Variants in TRIM44 observed in about 807,000 individuals in gnomAD.
TRIM44 encodes tripartite motif-containing protein 44.
A neutral mutation model predicts 37.4 loss-of-function variants in TRIM44; 13 were observed. The observed-to-expected ratio is 0.35, with a 90% CI of 0.23 to 0.55. The LOEUF (loss-of-function observed/expected upper bound fraction) is 0.55, where lower values mean the gene tolerates loss of function less well. TRIM44 is among the 20% of genes least tolerant of loss of function. The pLI, the probability that TRIM44 is intolerant of heterozygous loss-of-function variation, is 0.89. For missense variants in TRIM44, 426 were observed against 437.2 expected, an observed-to-expected ratio of 0.97 and a Z score of 0.23; for synonymous variants, 175 against 157.2, an observed-to-expected ratio of 1.11 and a Z score of -0.85.
intron 1 of TRIM44, among the ~76,000 whole-genome samples, chr11:35,665,776 T>G (rs1793777614): frequency 6.6e-6 from 1 of 151,758 alleles, no homozygotes; most frequent in Non-Finnish European, 1.5e-5. Context: ...TGTATTTTTT[T>G]TTTAGTAGAG....
chr11:35,768,762 T>C (rs912536352), intron 4 of TRIM44, among the ~76,000 whole-genome samples: 4 of 152,200 alleles, frequency 2.6e-5, no homozygotes, highest in Admixed American at 6.5e-5. Context: ...AAAATGCTTT[T>C]GGTTAGACAA....
intron 4 of TRIM44, among the ~76,000 whole-genome samples, chr11:35,758,975 G>A (rs569932010): frequency 4.9e-4 from 75 of 152,228 alleles, no homozygotes; most frequent in Middle Eastern, 3.4e-3. Flanking sequence ...ACAGTTATGT[G>A]TCTTGGAGTT....
chr11:35,817,684 A>G lies in TRIM44; in HGVS notation c.*11299A>G, dbSNP rs1310394829. ...TGGTTTGCCTCTGTGTCCCCACCCA[A>G]ATCTCATGTTGAAATGTAATCCCCA... On this transcript the variant is annotated 3_prime_UTR_variant, in exon 5 of 5. Coordinates refer to ENST00000299413, the MANE Select transcript of TRIM44 (RefSeq NM_017583.6). 6.6e-6 allele frequency: 1 copy of G among 152,176 alleles called. No individual in the cohort carries two copies. The highest frequency in any genetic ancestry group is 6.5e-5 in the Admixed American group (1 of 15,272). The allele number at this position is 152,176 out of a possible 1,614,324, so 9.4% of individuals were successfully genotyped here. A position where few individuals can be genotyped will look rare whatever the true frequency, so the allele number is the denominator to read the frequency against.
At chr11:35,777,966 G>A (rs1852996750) in intron 4 of TRIM44, among the ~76,000 whole-genome samples, 1 of 152,100 alleles carries the variant, frequency 6.6e-6, no homozygotes, top group Admixed American at 6.6e-5. Flanking sequence ...GTATCTTTGT[G>A]GCATTCTCTG....
At chr11:35,759,222 C>T (rs1852690077) in intron 4 of TRIM44, among the ~76,000 whole-genome samples, 1 of 152,112 alleles carries the variant, frequency 6.6e-6, no homozygotes, top group Non-Finnish European at 1.5e-5. Flanking sequence ...TTTCTCTAAA[C>T]TTCTCTTCTC....
Position 35,662,865 on chromosome 11 carries a change from A to C in TRIM44, c.-247A>C. The C allele has an allele frequency of 6.5e-6, 3 of 458,814 alleles. No individual in the cohort carries two copies. Among genetic ancestry groups the C allele is most frequent in the Non-Finnish European group, 9.9e-6 (3 of 302,010 alleles). 28.4% of individuals were successfully genotyped at this position (458,814 alleles called of 1,614,324 possible). A position where few individuals can be genotyped will look rare whatever the true frequency, so the allele number is the denominator to read the frequency against. On this transcript the variant is annotated 5_prime_UTR_variant, in exon 1 of 5. Transcript: ENST00000299413. ...GGGGGCGCCGGGTGGCCGCGCCGGA[A>C]GTGCCTTGCGCGGCAGAGGAAGCGC...
At chr11:35,698,156 G>A (rs1199137574) in intron 2 of TRIM44, among the ~76,000 whole-genome samples, 3 of 150,088 alleles carry the variant, frequency 2.0e-5, no homozygotes, top group South Asian at 4.2e-4. Context: ...CTAACTGGAT[G>A]TGCCACATTT....
rs370771998 is a variant in TRIM44 at position 35,775,594 on chromosome 11, T to C, written c.1008-30764T>C. ...CAGTTTTTGCCCATTCAGTATGATA[T>C]TGGCTGTGGGTTTGTGATAAATAGC... On this transcript the variant is annotated intron_variant, in intron 4 of 4. Coordinates refer to ENST00000299413, the MANE Select transcript of TRIM44 (RefSeq NM_017583.6). 1.4e-4 allele frequency among the ~76,000 whole-genome samples: 22 copies of C among 152,356 alleles called. No individual in the cohort carries two copies. In the East Asian group the frequency reaches 4.2e-3, roughly 29 times the overall value.
rs1314511408 is a variant in TRIM44 at position 35,815,522 on chromosome 11, T to C, written c.*9137T>C. The C allele has an allele frequency of 6.6e-6, 1 of 152,172 alleles. No individual in the cohort carries two copies. The highest frequency in any genetic ancestry group is 1.5e-5 in the Non-Finnish European group (1 of 68,032). 9.4% of individuals were successfully genotyped at this position (152,172 alleles called of 1,614,324 possible). ...TCTCAACACTCAAGCCAATTTCCCA[T>C]TTGATAACAAGTAGGTTCTGATCTA... On this transcript the variant is annotated 3_prime_UTR_variant, in exon 5 of 5. Coordinates refer to ENST00000299413, the MANE Select transcript of TRIM44 (RefSeq NM_017583.6).
intron 2 of TRIM44, among the ~76,000 whole-genome samples, chr11:35,723,170 T>C (rs1178356741): frequency 1.3e-5 from 2 of 152,102 alleles, no homozygotes; most frequent in Non-Finnish European, 2.9e-5. Context: ...AAATGATGAG[T>C]TGTAAAAGTA....
rs1490392906 is a variant in TRIM44, at chr11:35,807,540, A to ACAAC, written c.*1159_*1162dup. 1.3e-5 allele frequency: 2 copies of ACAAC among 152,160 alleles called. No homozygotes were observed. Among genetic ancestry groups the ACAAC allele is most frequent in the Non-Finnish European group, 2.9e-5 (2 of 68,020 alleles). 9.4% of individuals were successfully genotyped at this position (152,160 alleles called of 1,614,324 possible). ...CTCTACTTCCAAATCACAATTTCTTACAACCAAGCTTTGTGCTCCCGAGTA... is the reference window on the plus strand; with the variant it reads ...CTCTACTTCCAAATCACAATTTCTTACAACCAACCAAGCTTTGTGCTCCCGAGTA... On this transcript the variant is annotated 3_prime_UTR_variant, in exon 5 of 5. Transcript: ENST00000299413.
intron 2 of TRIM44, among the ~76,000 whole-genome samples, chr11:35,713,886 G>A (rs149783822): frequency 1.3e-5 from 2 of 152,272 alleles, no homozygotes; most frequent in Non-Finnish European, 2.9e-5. Flanking sequence ...CATCCTTCCT[G>A]TGCTTTCTGT....
At chr11:35,787,679 G>A (rs1853147904) in intron 4 of TRIM44, among the ~76,000 whole-genome samples, 1 of 152,196 alleles carries the variant, frequency 6.6e-6, no homozygotes, top group African/African-American at 2.4e-5. Context: ...GCAGTTCCCT[G>A]TCTAGAGGAG....
chr11:35,703,265 T>G (rs1328705286), intron 2 of TRIM44, among the ~76,000 whole-genome samples: 1 of 152,224 alleles, frequency 6.6e-6, no homozygotes, highest in Non-Finnish European at 1.5e-5. Flanking sequence ...AAGCTTGAAC[T>G]GGGTGGAGCC....
chr11:35,669,406 T>A (rs1337850874), intron 1 of TRIM44, among the ~76,000 whole-genome samples: 3 of 151,022 alleles, frequency 2.0e-5, no homozygotes, highest in Non-Finnish European at 4.5e-5. Flanking sequence ...CTGAGATTTT[T>A]AGCAGGGTGA....
chr11:35,749,267 T>C (rs1175037269), intron 4 of TRIM44, among the ~76,000 whole-genome samples: 1 of 152,248 alleles, frequency 6.6e-6, no homozygotes, highest in Non-Finnish European at 1.5e-5. Context: ...GTAAGTGATG[T>C]GTAATTTAAA....
At chr11:35,800,592 C>T (rs893238365) in intron 4 of TRIM44, among the ~76,000 whole-genome samples, 10 of 152,202 alleles carry the variant, frequency 6.6e-5, no homozygotes, top group African/African-American at 2.4e-4. Context: ...TCTCCAACTT[C>T]CCACTCGACC....
chr11:35,771,930 G>A lies in TRIM44; in HGVS notation c.1008-34428G>A, dbSNP rs142456105. On this transcript the variant is annotated intron_variant, in intron 4 of 4. Coordinates refer to ENST00000299413, the MANE Select transcript of TRIM44 (RefSeq NM_017583.6). ...AAAATATCTCCAAGGCTTGTCAGAG[G>A]TCTTCACAGCAGGGCCTCCCATCAC... Among the ~76,000 whole-genome samples the A allele has an allele frequency of 3.8e-3, 585 of 152,220 alleles. 7 individuals are homozygous for A. The highest frequency in any genetic ancestry group is 5.7e-3 in the Non-Finnish European group (387 of 68,006).
rs564059044 is a variant in TRIM44 at position 35,706,444 on chromosome 11, G to A, written c.748-19480G>A. ...AGCATCATCCTGATACCAAAACCGGGCAGAGATACAACCAAAAAAAAGAAT... is the reference window on the plus strand; with the variant it reads ...AGCATCATCCTGATACCAAAACCGGACAGAGATACAACCAAAAAAAAGAAT... On this transcript the variant is annotated intron_variant, in intron 2 of 4. Coordinates refer to ENST00000299413, the MANE Select transcript of TRIM44 (RefSeq NM_017583.6). Among the ~76,000 whole-genome samples the A allele has an allele frequency of 2.6e-5, 4 of 152,232 alleles. No individual in the cohort carries two copies. The South Asian group carries it at 6.2e-4, about 24-fold the overall frequency.
Sources: gnomAD v4.1 joint callset for allele counts (sites outside exome capture counted in the v4.1 genomes callset) on GRCh38, gnomAD v4.1.1 for gene constraint, MANE v1.5 for transcripts, NCBI Gene and HGNC (gene_info 2026-07-23, HGNC 2026-07-21) for gene names.